The following HMCN1 variants were observed in gnomAD, a reference collection of about 807,000 sequenced individuals.
The protein encoded by HMCN1 is hemicentin-1.
Under a neutral mutation model 625.9 loss-of-function variants are expected in HMCN1, and 321 were observed. The observed-to-expected ratio is 0.51, with a 90% CI of 0.47 to 0.56. The LOEUF (loss-of-function observed/expected upper bound fraction) is 0.56. HMCN1 is among the 20% of genes least tolerant of loss of function. HMCN1 has a pLI of 0.00. For synonymous variants in HMCN1, 2,425 were observed against 2,417.6 expected, an observed-to-expected ratio of 1.00 and a Z score of -0.09; for missense variants, 6,588 against 6,887.3, an observed-to-expected ratio of 0.96 and a Z score of 1.54.
At chr1:186,127,802 A>T (rs111420529) in intron 82 of HMCN1, among the ~76,000 whole-genome samples, 2 of 152,280 alleles carry the variant, frequency 1.3e-5, no homozygotes, top group African/African-American at 4.8e-5. Context: ...GCAGCAATAC[A>T]CTTGATATCT....
In HMCN1 at chr1:186,087,550, G is replaced by C. The variant is rs754041211; in HGVS notation, c.9268G>C (p.Val3090Leu). 1.1e-5 allele frequency: 18 copies of C among 1,613,292 alleles called. No individual in the cohort carries two copies. The highest frequency in any genetic ancestry group is 1.4e-5 in the Non-Finnish European group (17 of 1,179,468). ...TGAGTCGAACGCTGTGCCACCTCCA[G>C]TCATCACTTGGTATAAGAATGGGCG... ...ECESNAVPPP[V>L]ITWYKNGRMI... Residue 3090 changes from valine to leucine, a missense_variant, in exon 60 of 107, where the codon GTC (valine) becomes CTC (leucine). Physicochemically the swap from Val to Leu is conservative, Grantham distance 32. Coordinates refer to ENST00000271588, the MANE Select transcript of HMCN1 (RefSeq NM_031935.3).
Position 185,962,074 on chromosome 1 carries a change from T to A in HMCN1, c.1829-444T>A, listed in dbSNP as rs188416775. Among the ~76,000 whole-genome samples, 338 of 152,234 alleles carry A rather than the reference T, an allele frequency of 2.2e-3. 3 individuals are homozygous for A. Among genetic ancestry groups the A allele is most frequent in the African/African-American group, 7.9e-3 (328 of 41,552 alleles). On this transcript the variant is annotated intron_variant, in intron 11 of 106. Transcript: ENST00000271588. The stretch of plus-strand genomic sequence containing the variant: ...TTATCATAACAAAGTTATGATCAAA[T>A]AAATAAAAAGAAAGATCAGGTTGAA...
At chr1:185,895,098 G>A (rs2102420965) in intron 4 of HMCN1, among the ~76,000 whole-genome samples, 1 of 95,954 alleles carries the variant, frequency 1.0e-5, no homozygotes, top group South Asian at 3.0e-4. Flanking sequence ...AATATTATTT[G>A]TTATTTTTTG....
chr1:185,769,899 A>G (rs981194106), intron 1 of HMCN1, among the ~76,000 whole-genome samples: 4 of 152,132 alleles, frequency 2.6e-5, no homozygotes, highest in Non-Finnish European at 4.4e-5. Context: ...GAGCAAGGGA[A>G]GTGTGAAAAC....
intron 11 of HMCN1, among the ~76,000 whole-genome samples, chr1:185,953,239 A>G (rs1021626836): frequency 6.6e-6 from 1 of 151,616 alleles, no homozygotes; most frequent in African/African-American, 2.4e-5. Context: ...TCCCCAGAAA[A>G]GCAGAGAAGG....
chr1:186,121,481 G>A (rs549087834), intron 80 of HMCN1, among the ~76,000 whole-genome samples: 1 of 152,242 alleles, frequency 6.6e-6, no homozygotes, highest in African/African-American at 2.4e-5. Context: ...TAATTGTTAG[G>A]ATTTCTGATG....
At position 186,190,402 on chromosome 1, in the gene HMCN1, C is replaced by T. The variant is rs1347885033; in HGVS notation, c.*524C>T. 5.0e-6 allele frequency: 1 copy of T among 198,310 alleles called. No homozygotes were observed. The highest frequency in any genetic ancestry group is 1.0e-5 in the Non-Finnish European group (1 of 96,016). 12.3% of individuals were successfully genotyped at this position (198,310 alleles called of 1,614,324 possible). The stretch of plus-strand genomic sequence containing the variant: ...TTTTCATTTTTAAGAAGAAAAACAC[C>T]ACTCATTTTATAAAATATAGTACAG... On this transcript the variant is annotated 3_prime_UTR_variant, in exon 107 of 107. Coordinates refer to ENST00000271588, the MANE Select transcript of HMCN1 (RefSeq NM_031935.3).
rs1649674222 is a variant in HMCN1 at position 186,137,439 on chromosome 1, TCTC to T, written c.13583-56_13583-54del. The T allele has an allele frequency of 5.8e-6, 9 of 1,563,318 alleles. No homozygotes were observed. The South Asian group carries it at 1.0e-4, about 18-fold the overall frequency. ...TAACCCGTGCATATCTTAAATGAAA[TCTC>T]CTTTACAATGTTTTATTTGCAAAAG... On this transcript the variant is annotated intron_variant, in intron 87 of 106. Transcript: ENST00000271588.
chr1:185,792,040 A>G (rs1658039618), intron 1 of HMCN1, among the ~76,000 whole-genome samples: 1 of 152,224 alleles, frequency 6.6e-6, no homozygotes, highest in South Asian at 2.1e-4. Context: ...AAATGAGACA[A>G]TAAATCTTGC....
chr1:186,034,538 C>T (rs2102211605), intron 36 of HMCN1, among the ~76,000 whole-genome samples: 1 of 152,124 alleles, frequency 6.6e-6, no homozygotes, highest in African/African-American at 2.4e-5. Context: ...CATGGAAAGG[C>T]CAGACAGGTC....
At chr1:185,880,936 G>T (rs893371349) in intron 4 of HMCN1, among the ~76,000 whole-genome samples, 1 of 152,212 alleles carries the variant, frequency 6.6e-6, no homozygotes, top group Admixed American at 6.5e-5. Context: ...GAGGGAGCGC[G>T]CAGGTGAGCA....
intron 1 of HMCN1, among the ~76,000 whole-genome samples, chr1:185,758,694 A>G (rs1434654907): frequency 7.2e-5 from 11 of 152,018 alleles, no homozygotes; most frequent in Non-Finnish European, 1.5e-4. Flanking sequence ...TCTTCCTCCT[A>G]TTCCTCCTTT....
At chr1:185,911,584 C>T in intron 5 of HMCN1, 90 bp from the exon 6 acceptor site, 1 of 960,670 alleles carries the variant, frequency 1.0e-6, no homozygotes, top group South Asian at 1.3e-5. Context: ...GAAATTTGAT[C>T]ATGCTCTTAG....
At chr1:185,856,426 T>C (rs1662468315) in intron 2 of HMCN1, among the ~76,000 whole-genome samples, 1 of 151,198 alleles carries the variant, frequency 6.6e-6, no homozygotes, top group Non-Finnish European at 1.5e-5. Flanking sequence ...AGAGGTGGAG[T>C]TGCGGTGAGT....
chr1:185,995,180 G>T, intron 24 of HMCN1, 93 bp downstream of exon 24: 1 of 1,193,518 alleles, frequency 8.4e-7, no homozygotes, highest in South Asian at 1.2e-5. Flanking sequence ...AATCTTAAAT[G>T]ACTTCAGAAA....
At chr1:186,133,455 G>C (rs1460155288) in intron 86 of HMCN1, among the ~76,000 whole-genome samples, 1 of 152,104 alleles carries the variant, frequency 6.6e-6, no homozygotes, top group Non-Finnish European at 1.5e-5. Flanking sequence ...TCGGAAAACA[G>C]AGCATCCATA....
intron 48 of HMCN1, among the ~76,000 whole-genome samples, chr1:186,064,377 A>T (rs1349738541): frequency 6.6e-6 from 1 of 152,120 alleles, no homozygotes; most frequent in Non-Finnish European, 1.5e-5. Context: ...ATATATTTTT[A>T]TCTCTATTGA....
chr1:185,983,816 G>T (rs1558117247), intron 18 of HMCN1, among the ~76,000 whole-genome samples: 1 of 152,152 alleles, frequency 6.6e-6, no homozygotes, highest in East Asian at 1.9e-4. Context: ...GGCCTTCTTG[G>T]AAAAGAACAC....
intron 11 of HMCN1, among the ~76,000 whole-genome samples, chr1:185,935,534 A>G (rs568054492): frequency 6.6e-6 from 1 of 152,272 alleles, no homozygotes; most frequent in South Asian, 2.1e-4. Flanking sequence ...TAAAGCCATT[A>G]TTATCCAACA....
Sources: allele counts gnomAD v4.1 joint callset (sites outside exome capture counted in the v4.1 genomes callset), GRCh38; gene constraint gnomAD v4.1.1; transcripts MANE v1.5; gene names NCBI Gene and HGNC (gene_info 2026-07-23, HGNC 2026-07-21).